The following TMEM117 variants were observed in gnomAD, a reference collection of about 807,000 sequenced individuals.
TMEM117 encodes transmembrane protein 117.
In TMEM117, 27 loss-of-function variants were observed where a neutral mutation model predicts 52.4. The observed-to-expected ratio is 0.51, with a 90% CI of 0.38 to 0.71. The LOEUF is 0.71. Ranked by LOEUF, TMEM117 falls within the 30% of genes least tolerant of loss-of-function variation. The pLI is 0.00. For synonymous variants in TMEM117, 215 were observed against 206.3 expected, an observed-to-expected ratio of 1.04 and a Z score of -0.36; for missense variants, 556 against 630.5, an observed-to-expected ratio of 0.88 and a Z score of 1.26.
chr12:43,849,333 A>C (rs1311551608), intron 2 of TMEM117, among the ~76,000 whole-genome samples: 5 of 152,220 alleles, frequency 3.3e-5, no homozygotes, highest in Non-Finnish European at 7.3e-5. Context: ...GCAAATTTAG[A>C]CCAAAATATC....
intron 2 of TMEM117, among the ~76,000 whole-genome samples, chr12:43,870,510 C>T (rs567026701): frequency 5.9e-5 from 9 of 151,882 alleles, no homozygotes; most frequent in East Asian, 3.9e-4. Flanking sequence ...CCACCCACCT[C>T]GGCCTCCCAA....
chr12:43,858,375 C>G (rs556663848), intron 2 of TMEM117, among the ~76,000 whole-genome samples: 27 of 152,328 alleles, frequency 1.8e-4, no homozygotes, highest in African/African-American at 6.3e-4. Context: ...CAGTTTTGCT[C>G]TGCATTGCCT....
intron 1 of TMEM117, among the ~76,000 whole-genome samples, chr12:43,841,905 G>A (rs1943121592): frequency 1.3e-5 from 2 of 152,212 alleles, no homozygotes; most frequent in South Asian, 4.1e-4. Context: ...TTCATGGTGG[G>A]AGGGGAGGTG....
At chr12:44,205,767 C>T (rs996062298) in intron 4 of TMEM117, among the ~76,000 whole-genome samples, 1 of 152,082 alleles carries the variant, frequency 6.6e-6, no homozygotes, top group Non-Finnish European at 1.5e-5. Context: ...ATGACAGATG[C>T]CAGCTGGGCT....
intron 3 of TMEM117, among the ~76,000 whole-genome samples, chr12:44,019,581 A>G (rs1364283436): frequency 6.6e-6 from 1 of 152,176 alleles, no homozygotes; most frequent in East Asian, 1.9e-4. Flanking sequence ...ATTTAGGCAA[A>G]TAAGTTTAAT....
At chr12:43,796,916 T>G in the TMEM117 span, 1 of 1,509,608 alleles carries the variant, frequency 6.6e-7, no homozygotes, top group Non-Finnish European at 9.1e-7. Flanking sequence ...CATCATAAAC[T>G]ACATAGAAAT....
At chr12:44,234,663 A>G (rs1177876853) in intron 5 of TMEM117, among the ~76,000 whole-genome samples, 1 of 151,264 alleles carries the variant, frequency 6.6e-6, no homozygotes, top group African/African-American at 2.4e-5. Context: ...TATACCTTGA[A>G]GTGAATACTG....
chr12:44,163,009 C>G (rs1447026189), intron 4 of TMEM117, among the ~76,000 whole-genome samples: 1 of 152,146 alleles, frequency 6.6e-6, no homozygotes. Context: ...TTCTGGTCAG[C>G]CTCGGTTCTT....
At chr12:44,381,436 G>T (rs1952018961) in intron 7 of TMEM117, among the ~76,000 whole-genome samples, 1 of 152,268 alleles carries the variant, frequency 6.6e-6, no homozygotes, top group East Asian at 1.9e-4. Context: ...AGTCTCGGAA[G>T]CTCCTCTGAG....
At chr12:44,204,534 C>T (rs1565588721) in intron 4 of TMEM117, among the ~76,000 whole-genome samples, 1 of 151,220 alleles carries the variant, frequency 6.6e-6, no homozygotes, top group South Asian at 2.1e-4. Flanking sequence ...TACCATTTTT[C>T]ACAGAATTAC....
intron 5 of TMEM117, among the ~76,000 whole-genome samples, chr12:44,273,218 T>C (rs1950469933): frequency 6.6e-6 from 1 of 150,964 alleles, no homozygotes; most frequent in Non-Finnish European, 1.5e-5. Context: ...CCAGGACCTG[T>C]TGTGGGGTGG....
chr12:44,206,327 G>A (rs182570068), intron 4 of TMEM117, among the ~76,000 whole-genome samples: 16 of 152,226 alleles, frequency 1.1e-4, no homozygotes, highest in East Asian at 1.9e-4. Context: ...TTTCCTTGCC[G>A]TCATTCCGGT....
the TMEM117 span, among the ~76,000 whole-genome samples, chr12:43,819,424 T>A: frequency 6.6e-6 from 1 of 152,204 alleles, no homozygotes; most frequent in East Asian, 1.9e-4. Context: ...TCAGAAGAGA[T>A]GTCTGACCCA....
chr12:43,851,986 T>G (rs1943315404), intron 2 of TMEM117, among the ~76,000 whole-genome samples: 1 of 152,174 alleles, frequency 6.6e-6, no homozygotes, highest in Admixed American at 6.5e-5. Context: ...AAAGCAAACG[T>G]TCATCAAAGT....
chr12:44,372,912 T>C (rs1951884128), intron 6 of TMEM117, among the ~76,000 whole-genome samples: 1 of 152,188 alleles, frequency 6.6e-6, no homozygotes, highest in South Asian at 2.1e-4. Context: ...ATTAGCTTGA[T>C]TGTGGTTATC....
intron 2 of TMEM117, among the ~76,000 whole-genome samples, chr12:43,848,185 A>G (rs1943244238): frequency 6.6e-6 from 1 of 152,192 alleles, no homozygotes; most frequent in Admixed American, 6.5e-5. Context: ...AGAACCACTG[A>G]TAAGGGTCTA....
intron 5 of TMEM117, among the ~76,000 whole-genome samples, chr12:44,293,382 C>T (rs1950729614): frequency 6.6e-6 from 1 of 151,978 alleles, no homozygotes; most frequent in Admixed American, 6.6e-5. Context: ...ATCTATTCAG[C>T]CACTCTGCAT....
At chr12:43,806,191 T>C in the TMEM117 span, 8 of 1,511,340 alleles carry the variant, frequency 5.3e-6, no homozygotes, top group South Asian at 8.4e-5. Context: ...CGGAAGCCCC[T>C]TCCCTGCGAG....
intron 2 of TMEM117, among the ~76,000 whole-genome samples, chr12:43,883,747 C>T (rs1218128676): frequency 6.9e-6 from 1 of 144,782 alleles, no homozygotes; most frequent in African/African-American, 2.6e-5. Flanking sequence ...ACCATTCTTT[C>T]TTTGTATGAA....
Sources: allele counts gnomAD v4.1 joint callset (sites outside exome capture counted in the v4.1 genomes callset), GRCh38; gene constraint gnomAD v4.1.1; transcripts MANE v1.5; gene names NCBI Gene and HGNC (gene_info 2026-07-23, HGNC 2026-07-21).